HIVEP1: variants seen among roughly 807,000 people sequenced by gnomAD.
The protein encoded by HIVEP1 is HIVEP zinc finger 1.
HIVEP1 carries 36 observed loss-of-function variants against 180.0 expected under a neutral mutation model. The observed-to-expected ratio is 0.20, with a 90% confidence interval of 0.15 to 0.26. The LOEUF (loss-of-function observed/expected upper bound fraction) is 0.26. Among genes scored for constraint, HIVEP1 ranks in the 10% least tolerant of loss-of-function variants. HIVEP1 has a pLI of 1.00. For missense variants in HIVEP1, 3,143 were observed against 3,268.7 expected, an observed-to-expected ratio of 0.96 and a Z score of 0.94; for synonymous variants, 1,239 against 1,239.0, an observed-to-expected ratio of 1.00 and a Z score of 0.00.
chr6:12,092,114 A>C (rs1324598601), intron 3 of HIVEP1, among the ~76,000 whole-genome samples: 1 of 152,168 alleles, frequency 6.6e-6, no homozygotes, highest in Non-Finnish European at 1.5e-5. Context: ...CACCCAATTT[A>C]AGAACGGGAA....
chr6:12,124,465 C>T lies in HIVEP1; in HGVS notation c.4670C>T (p.Ala1557Val), dbSNP rs779987664. ...SGSSKSEDCF[A>V]PKYQLHCQVF... ...TCTTCTAAAAGTGAGGATTGCTTTG[C>T]TCCCAAATACCAATTGCATTGTCAG... The change falls in exon 4 of 9, where the codon GCT becomes GTT. Residue 1557 changes from alanine (A) to valine (V), a missense_variant. Around this residue, in one of 12 missense-constraint regions of HIVEP1, gnomAD observed 1,357 missense variants for 1,260.5 expected, o/e 1.08. Coordinates refer to ENST00000379388, the MANE Select transcript of HIVEP1 (RefSeq NM_002114.4). 9.3e-6 allele frequency: 15 copies of T among 1,614,026 alleles called. No homozygotes were observed. Among genetic ancestry groups the T allele is most frequent in the South Asian group, 4.4e-5 (4 of 91,088 alleles).
intron 2 of HIVEP1, among the ~76,000 whole-genome samples, chr6:12,042,382 C>CGTTT: frequency 7.5e-6 from 1 of 133,408 alleles, no homozygotes; most frequent in Non-Finnish European, 1.6e-5. Flanking sequence ...CACCCGGCCG[C>CGTTT]TTTTTTTTTT....
intron 1 of HIVEP1, among the ~76,000 whole-genome samples, chr6:12,013,400 C>T (rs1767519516): frequency 6.6e-6 from 1 of 152,206 alleles, no homozygotes; most frequent in African/African-American, 2.4e-5. Flanking sequence ...ATCACTCGTC[C>T]TAGTCGCTAC....
downstream of HIVEP1, among the ~76,000 whole-genome samples, chr6:12,166,251 T>G (rs938826956): frequency 6.6e-6 from 1 of 152,224 alleles, no homozygotes; most frequent in African/African-American, 2.4e-5. Context: ...ACTCCATAAT[T>G]AAGTACAGAT....
chr6:12,147,634 A>G (rs1311587975), intron 7 of HIVEP1, among the ~76,000 whole-genome samples: 2 of 152,216 alleles, frequency 1.3e-5, no homozygotes, highest in African/African-American at 4.8e-5. Context: ...TTCAGCAACA[A>G]TAATACTAAT....
the HIVEP1 span, among the ~76,000 whole-genome samples, chr6:12,197,460 G>A: frequency 6.6e-6 from 1 of 150,690 alleles, no homozygotes; most frequent in Non-Finnish European, 1.5e-5. Context: ...TCGGGAGGCT[G>A]AGACAGGAGA....
At chr6:12,018,198 C>A (rs980253349) in intron 2 of HIVEP1, among the ~76,000 whole-genome samples, 1 of 152,250 alleles carries the variant, frequency 6.6e-6, no homozygotes, top group African/African-American at 2.4e-5. Context: ...CCTGCCAAGC[C>A]CACGCCAACT....
Position 12,120,772 on chromosome 6 carries a change from A to G in HIVEP1, c.977A>G (p.Tyr326Cys), listed in dbSNP as rs530759462. Reference protein sequence around the residue: ...NQENAKLEQVYNIAVTSSVGL... With the variant: ...NQENAKLEQVCNIAVTSSVGL... ...GAGAATGCCAAACTTGAACAGGTTT[A>G]TAATATAGCAGTGACATCATCTGTA... The change falls in exon 4 of 9, where the codon TAT becomes TGT. Residue 326 changes from tyrosine to cysteine, a missense_variant. By Grantham distance (194) the Tyr-to-Cys change is radical. Coordinates refer to ENST00000379388, the MANE Select transcript of HIVEP1 (RefSeq NM_002114.4). 8.7e-6 allele frequency: 14 copies of G among 1,614,244 alleles called. No homozygotes were observed. The Admixed American group carries it at 1.5e-4, about 17-fold the overall frequency.
chr6:12,080,945 A>G (rs908634655), intron 2 of HIVEP1, among the ~76,000 whole-genome samples: 7 of 152,116 alleles, frequency 4.6e-5, no homozygotes, highest in Non-Finnish European at 8.8e-5. Flanking sequence ...ACCATTACCT[A>G]TAAATTAATT....
chr6:12,133,062 T>C (rs1214630367), intron 6 of HIVEP1, among the ~76,000 whole-genome samples: 1 of 152,180 alleles, frequency 6.6e-6, no homozygotes, highest in East Asian at 1.9e-4. Flanking sequence ...GAAATAGTGA[T>C]GTGATGGCAT....
chr6:12,042,790 TATA>T (rs1235279653), intron 2 of HIVEP1, among the ~76,000 whole-genome samples: 1 of 152,196 alleles, frequency 6.6e-6, no homozygotes, highest in Non-Finnish European at 1.5e-5. Context: ...AGTTATTTCT[TATA>T]ATAGTGTATC....
Position 12,130,844 on chromosome 6 carries a change from G to A in HIVEP1, c.6287G>A (p.Arg2096His), listed in dbSNP as rs1401653383. ...TACATTTGTGAAGAATGTGGAATAC[G>A]TTGTAAGAAACCTAGCATGTTAAAG... ...GKYICEECGI[R>H]CKKPSMLKKH... The change falls in exon 6 of 9, where the codon CGT (arginine) becomes CAT (histidine). Residue 2096 changes from arginine to histidine, a missense_variant. Arg to His is a conservative substitution (Grantham distance 29). Around this residue, in one of 12 missense-constraint regions of HIVEP1, gnomAD observed 126 missense variants for 168.5 expected, o/e 0.75. Transcript: ENST00000379388. 2 of 1,611,990 alleles carry A rather than the reference G, an allele frequency of 1.2e-6. No homozygotes were observed. The highest frequency in any genetic ancestry group is 1.1e-5 in the South Asian group (1 of 91,018).
upstream of HIVEP1, among the ~76,000 whole-genome samples, chr6:12,009,220 C>A (rs1217083411): frequency 1.3e-5 from 2 of 148,696 alleles, no homozygotes; most frequent in Non-Finnish European, 3.0e-5. Context: ...CGGGCCCGGC[C>A]GGGCGGCCGC....
In HIVEP1 at chr6:12,125,867, C is replaced by G; in HGVS notation, c.6072C>G (p.Ser2024Arg). 1 of 1,576,598 alleles carries G rather than the reference C, an allele frequency of 6.3e-7. No individual in the cohort carries two copies. Among genetic ancestry groups the G allele is most frequent in the Non-Finnish European group, 8.6e-7 (1 of 1,157,168 alleles). Residue 2024 changes from serine (S) to arginine (R), a missense_variant, in exon 4 of 9, where the codon AGC becomes AGG. Physicochemically the swap from Ser to Arg is moderately radical, Grantham distance 110 (BLOSUM62 -1). Transcript: ENST00000379388. ...VYSSKWKSSL[S>R]KRALGNQKST... ...CAAGCAAGTGGAAAAGCAGCTTAAG[C>G]AAGGTACTTGAAATATAATTTATCT...
In HIVEP1 at chr6:12,093,488, C is replaced by A. The variant is rs1243037376; in HGVS notation, c.94+4251C>A. The stretch of plus-strand genomic sequence containing the variant: ...TATATATATATATTTTCTATATTTT[C>A]TTCTAAAAGACTTTCACGTTTCAGA... On this transcript the variant is annotated intron_variant, in intron 3 of 8. Coordinates refer to ENST00000379388, the MANE Select transcript of HIVEP1 (RefSeq NM_002114.4). Among the ~76,000 whole-genome samples, 7 of 150,654 alleles carry A rather than the reference C, an allele frequency of 4.6e-5. No individual in the cohort carries two copies. In the East Asian group the frequency reaches 1.4e-3, roughly 29 times the overall value.
intron 2 of HIVEP1, among the ~76,000 whole-genome samples, chr6:12,049,425 G>A (rs1770354626): frequency 6.6e-6 from 1 of 152,190 alleles, no homozygotes; most frequent in Non-Finnish European, 1.5e-5. Flanking sequence ...TGGCGTGACA[G>A]CACTGGCTTT....
chr6:12,185,142 C>T, the HIVEP1 span, among the ~76,000 whole-genome samples: 2 of 152,210 alleles, frequency 1.3e-5, no homozygotes, highest in African/African-American at 4.8e-5. Context: ...CAACTTACCA[C>T]AAAGGGCTGT....
chr6:12,020,542 T>C, intron 2 of HIVEP1: 1 of 422,782 alleles, frequency 2.4e-6, no homozygotes, highest in South Asian at 1.7e-5. Flanking sequence ...TAACATGGAA[T>C]GGAGGAGTTG....
rs558756927 is a variant in HIVEP1, at chr6:12,064,240, C to T, written c.41-24944C>T. On this transcript the variant is annotated intron_variant, in intron 2 of 8. Coordinates refer to ENST00000379388, the MANE Select transcript of HIVEP1 (RefSeq NM_002114.4). ...AAGCAATGCATCCCTATAGTGGGAA[C>T]GGCATATGTATCATAAATTTTGTAA... 5.9e-5 allele frequency among the ~76,000 whole-genome samples: 9 copies of T among 152,234 alleles called. No homozygotes were observed. In the South Asian group the frequency reaches 8.3e-4, roughly 14 times the overall value.
Sources: gnomAD v4.1 joint callset for allele counts (sites outside exome capture counted in the v4.1 genomes callset) on GRCh38, gnomAD v4.1.1 for gene constraint, gnomAD v4.1.1 regional missense constraint, MANE v1.5 for transcripts, NCBI Gene and HGNC (gene_info 2026-07-23, HGNC 2026-07-21) for gene names.